Variants in DCC observed in about 807,000 individuals in gnomAD.
DCC encodes netrin receptor DCC.
A neutral mutation model predicts 172.5 loss-of-function variants in DCC; 58 were observed. The observed-to-expected ratio is 0.34, with a 90% CI of 0.27 to 0.42. The LOEUF (loss-of-function observed/expected upper bound fraction) is 0.42. Among genes scored for constraint, DCC ranks in the 10% least tolerant of loss-of-function variants. The pLI is 1.00. For synonymous variants in DCC, 709 were observed against 644.5 expected (o/e 1.10, Z -1.52); for missense variants, 1,740 against 1,791.0 (o/e 0.97, Z 0.51).
chr18:52,925,311 C>T lies in DCC; in HGVS notation c.926C>T (p.Thr309Ile). 1 of 1,612,332 alleles carries T rather than the reference C, an allele frequency of 6.2e-7. No homozygotes were observed. The highest frequency in any genetic ancestry group is 8.5e-7 in the Non-Finnish European group (1 of 1,178,654). Reference sequence around the variant, plus strand: ...ACAGATGATGACAGTGGAATGTATACCTGTGTTGTCACATATAAAAATGAG... The same window carrying T: ...ACAGATGATGACAGTGGAATGTATATCTGTGTTGTCACATATAAAAATGAG... ...NVTDDDSGMY[T>I]CVVTYKNENI... The change falls in exon 5 of 29, where the codon ACC (threonine) becomes ATC (isoleucine). Residue 309 changes from threonine to isoleucine, a missense_variant. This residue lies in a region of DCC where 1,732 missense variants were observed against 1,767.4 expected (regional missense o/e 0.98). Coordinates refer to ENST00000442544, the MANE Select transcript of DCC (RefSeq NM_005215.4).
intron 25 of DCC, among the ~76,000 whole-genome samples, chr18:53,478,075 A>T (rs1209979045): frequency 3.3e-5 from 5 of 152,240 alleles, no homozygotes; most frequent in Non-Finnish European, 1.5e-5. Flanking sequence ...GGTGAAGGAT[A>T]CAGAATAACA....
At chr18:52,935,189 CAAT>C (rs899247907) in intron 5 of DCC, among the ~76,000 whole-genome samples, 5 of 125,600 alleles carry the variant, frequency 4.0e-5, no homozygotes, top group Non-Finnish European at 5.7e-5. Context: ...TTCCCATTTA[CAAT>C]AGCAGTGGAT....
chr18:52,387,931 C>T (rs1985878929), intron 1 of DCC, among the ~76,000 whole-genome samples: 2 of 152,056 alleles, frequency 1.3e-5, no homozygotes, highest in Admixed American at 1.3e-4. Context: ...TTGCTCGCCA[C>T]CACCAATCAT....
intron 12 of DCC, among the ~76,000 whole-genome samples, chr18:53,265,098 C>T (rs568523936): frequency 6.6e-5 from 10 of 152,206 alleles, no homozygotes; most frequent in Non-Finnish European, 1.2e-4. Context: ...GCTAAGCATA[C>T]TCCATGTCAG....
In DCC at chr18:52,957,462, CAAGAG is replaced by C. The variant is rs907563536; in HGVS notation, c.985+32098_985+32102del. Among the ~76,000 whole-genome samples the C allele has an allele frequency of 7.9e-5, 12 of 151,994 alleles. No individual in the cohort carries two copies. In the East Asian group the frequency reaches 1.5e-3, roughly 20 times the overall value. On this transcript the variant is annotated intron_variant, in intron 5 of 28. Coordinates refer to ENST00000442544, the MANE Select transcript of DCC (RefSeq NM_005215.4). ...GCAGAACAAAGGAACTAAAGAGATG[CAAGAG>C]AAGAGTGTTTTTAACAAGTATTTGT...
intron 8 of DCC, among the ~76,000 whole-genome samples, chr18:53,175,161 T>C (rs1355074212): frequency 6.6e-6 from 1 of 152,178 alleles, no homozygotes; most frequent in Non-Finnish European, 1.5e-5. Flanking sequence ...AAATTAGGTA[T>C]TGATGGGACA....
intron 7 of DCC, among the ~76,000 whole-genome samples, chr18:53,106,123 C>T (rs2043242757): frequency 6.6e-6 from 1 of 151,870 alleles, no homozygotes; most frequent in Admixed American, 6.6e-5. Flanking sequence ...ATCCCTGACA[C>T]ATCAGATTGT....
At chr18:53,375,771 C>T (rs1477189709) in intron 15 of DCC, among the ~76,000 whole-genome samples, 2 of 152,226 alleles carry the variant, frequency 1.3e-5, no homozygotes, top group South Asian at 2.1e-4. Flanking sequence ...GCTTTGTAAT[C>T]TAAGCATTTC....
chr18:52,794,058 T>C (rs1403627146), intron 2 of DCC, among the ~76,000 whole-genome samples: 2 of 152,194 alleles, frequency 1.3e-5, no homozygotes, highest in East Asian at 3.8e-4. Flanking sequence ...TTATTATAGC[T>C]TTGTAGTATA....
intron 2 of DCC, among the ~76,000 whole-genome samples, chr18:52,858,180 G>T (rs1342243831): frequency 2.0e-5 from 3 of 152,208 alleles, no homozygotes; most frequent in Admixed American, 2.0e-4. Flanking sequence ...TGAAGACTGC[G>T]CTGTAGGAAG....
intron 27 of DCC, among the ~76,000 whole-genome samples, chr18:53,508,173 A>C (rs931757107): frequency 2.0e-5 from 3 of 151,608 alleles, no homozygotes; most frequent in East Asian, 1.9e-4. Flanking sequence ...GATTATAGGC[A>C]TGAGCCACCG....
intron 5 of DCC, among the ~76,000 whole-genome samples, chr18:53,060,092 C>T (rs1392728450): frequency 6.6e-6 from 1 of 152,114 alleles, no homozygotes; most frequent in African/African-American, 2.4e-5. Flanking sequence ...CAAACTCTAC[C>T]TCCCAGATTC....
intron 23 of DCC, among the ~76,000 whole-genome samples, chr18:53,457,866 A>G (rs1424275600): frequency 6.6e-6 from 1 of 152,204 alleles, no homozygotes; most frequent in Non-Finnish European, 1.5e-5. Flanking sequence ...GGGATTCTTT[A>G]TCTCCTATCC....
chr18:52,840,878 T>A (rs2038792695), intron 2 of DCC, among the ~76,000 whole-genome samples: 1 of 152,170 alleles, frequency 6.6e-6, no homozygotes, highest in Non-Finnish European at 1.5e-5. Flanking sequence ...TCTGAATTTG[T>A]AGAACTCATA....
At chr18:52,929,377 A>C (rs2040268469) in intron 5 of DCC, among the ~76,000 whole-genome samples, 1 of 152,112 alleles carries the variant, frequency 6.6e-6, no homozygotes, top group African/African-American at 2.4e-5. Flanking sequence ...TGAAACAGCT[A>C]TAAAAAAAAG....
At chr18:52,561,469 T>TGTGCTAC (rs1388631070) in intron 1 of DCC, among the ~76,000 whole-genome samples, 1 of 152,012 alleles carries the variant, frequency 6.6e-6, no homozygotes, top group Non-Finnish European at 1.5e-5. Context: ...TATATATATA[T>TGTGCTAC]ACATATACAC....
At chr18:52,854,922 G>A (rs573411063) in intron 2 of DCC, among the ~76,000 whole-genome samples, 3 of 152,170 alleles carry the variant, frequency 2.0e-5, no homozygotes, top group South Asian at 4.1e-4. Context: ...ACAGGAATGA[G>A]AGCCATGACC....
chr18:52,351,878 C>A (rs1000623312), intron 1 of DCC, among the ~76,000 whole-genome samples: 3 of 152,178 alleles, frequency 2.0e-5, no homozygotes, highest in Non-Finnish European at 4.4e-5. Flanking sequence ...GAGCTTGTAA[C>A]CTTTCCATGT....
In DCC at chr18:52,805,474, C is replaced by T. The variant is rs59752209; in HGVS notation, c.412+53100C>T. On this transcript the variant is annotated intron_variant, in intron 2 of 28. Transcript: ENST00000442544. ...TCACAAAAAGGAAGGAAATAAGAGA[C>T]GAATGGAGAAGGTAGGGAGGAGAGA... Among the ~76,000 whole-genome samples, 612 of 151,856 alleles carry T rather than the reference C, an allele frequency of 4.0e-3. 2 individuals are homozygous for T. The highest frequency in any genetic ancestry group is 6.1e-3 in the Non-Finnish European group (418 of 67,974).
Sources: gnomAD v4.1 joint callset for allele counts (sites outside exome capture counted in the v4.1 genomes callset) on GRCh38, gnomAD v4.1.1 for gene constraint, gnomAD v4.1.1 regional missense constraint, MANE v1.5 for transcripts, NCBI Gene and HGNC (gene_info 2026-07-23, HGNC 2026-07-21) for gene names.